Variants in BOP1 observed in about 807,000 individuals in gnomAD.
The protein encoded by BOP1 is BOP1 ribosomal biogenesis factor.
In BOP1, 54 loss-of-function variants were observed where a neutral mutation model predicts 82.9. The ratio of observed to expected loss-of-function variants is 0.65; its 90% confidence interval spans 0.52 to 0.82. BOP1 has a LOEUF of 0.82. BOP1 is among the 40% of genes least tolerant of loss of function. The pLI is 0.00. For missense variants in BOP1, 1,170 were observed against 1,072.0 expected (o/e 1.09, Z -1.28); for synonymous variants, 566 against 451.1 (o/e 1.25, Z -3.23).
chr8:144,291,238 G>T lies in BOP1; in HGVS notation c.99+34C>A. ...CCACGTGCCCGCCGGGCCCTCTAGGGACGCGCCCCGCCGCCCCGCATCGCC... is the reference window on the plus strand; with the variant it reads ...CCACGTGCCCGCCGGGCCCTCTAGGTACGCGCCCCGCCGCCCCGCATCGCC... On this transcript the variant is annotated intron_variant, in intron 1 of 15. Transcript: ENST00000569669. This position sits in a 1 kb window ranked among gnomAD's most constrained non-coding sequence, Gnocchi z 4.1. 1 of 1,436,304 alleles carries T rather than the reference G, an allele frequency of 7.0e-7. No individual in the cohort carries two copies. The highest frequency in any genetic ancestry group is 9.1e-7 in the Non-Finnish European group (1 of 1,096,906). 89.0% of individuals were successfully genotyped at this position (1,436,304 alleles called of 1,614,324 possible).
chr8:144,267,577 C>T (rs1423809372), intron 3 of BOP1, among the ~76,000 whole-genome samples: 1 of 152,256 alleles, frequency 6.6e-6, no homozygotes, highest in African/African-American at 2.4e-5. Context: ...GGAAGGACCC[C>T]GGGTTCTTAG....
chr8:144,266,560 G>A lies in BOP1; in HGVS notation c.391-1489C>T. 5 of 1,004,072 alleles carry A rather than the reference G, an allele frequency of 5.0e-6. No homozygotes were observed. The South Asian group carries it at 2.2e-4, about 45-fold the overall frequency. The allele number at this position is 1,004,072 out of a possible 1,614,324, so 62.2% of individuals were successfully genotyped here. A position where few individuals can be genotyped will look rare whatever the true frequency, so the allele number is the denominator to read the frequency against. ...GCCCGCGAGGCCCGCGGCGGCCGCA[G>A]GAGGCGGCATGAGCAGCGCGCGACA... On this transcript the variant is annotated intron_variant, in intron 3 of 15. Coordinates refer to ENST00000569669, the MANE Select transcript of BOP1 (RefSeq NM_015201.5).
chr8:144,275,657 A>C (rs1845558217), intron 3 of BOP1, among the ~76,000 whole-genome samples: 1 of 152,272 alleles, frequency 6.6e-6, no homozygotes, highest in South Asian at 2.1e-4. Flanking sequence ...GTCCAGAGGC[A>C]ACGGCCCCAG....
At position 144,266,496 on chromosome 8, in the gene BOP1, C is replaced by T. The variant is rs1270497573; in HGVS notation, c.391-1425G>A. On this transcript the variant is annotated intron_variant, in intron 3 of 15. Transcript: ENST00000569669. ...GCGCGCGACGCCCGGCAGCTGCCACCGCGGGGCGCAGCCGAGACCCCGCGC... is the reference window on the plus strand; with the variant it reads ...GCGCGCGACGCCCGGCAGCTGCCACTGCGGGGCGCAGCCGAGACCCCGCGC... 15 of 987,042 alleles carry T rather than the reference C, an allele frequency of 1.5e-5. No homozygotes were observed. In the African/African-American group the frequency reaches 2.5e-4, roughly 16 times the overall value. The allele number at this position is 987,042 out of a possible 1,614,324, so 61.1% of individuals were successfully genotyped here.
intron 2 of BOP1, among the ~76,000 whole-genome samples, chr8:144,281,105 T>TAGG: frequency 6.7e-5 from 10 of 150,026 alleles, no homozygotes; most frequent in African/African-American, 2.0e-4. Flanking sequence ...TACCAGGTCT[T>TAGG]CGGCCTTCTC....
chr8:144,277,897 T>C lies in BOP1; in HGVS notation c.310-1593A>G, dbSNP rs183533330. ...TTTTGGAGGCAGATGCTGTGGGGCA[T>C]TGAACGTATTTTTTTTAACTTAAAA... On this transcript the variant is annotated intron_variant, in intron 2 of 15. Coordinates refer to ENST00000569669, the MANE Select transcript of BOP1 (RefSeq NM_015201.5). 9.6e-3 allele frequency among the ~76,000 whole-genome samples: 894 copies of C among 92,694 alleles called. 16 individuals carry two copies. Among genetic ancestry groups the C allele is most frequent in the Middle Eastern group, 0.052 (8 of 154 alleles). 60.8% of individuals were successfully genotyped at this position (92,694 alleles called of 152,430 possible). A position where few individuals can be genotyped will look rare whatever the true frequency, so the allele number is the denominator to read the frequency against.
chr8:144,284,905 C>T (rs1484393386), intron 2 of BOP1, among the ~76,000 whole-genome samples: 1 of 152,206 alleles, frequency 6.6e-6, no homozygotes, highest in African/African-American at 2.4e-5. Context: ...CAGGCAGGTC[C>T]GGAGCCCTTG....
chr8:144,285,648 G>A (rs534679515), intron 2 of BOP1, among the ~76,000 whole-genome samples: 5 of 152,234 alleles, frequency 3.3e-5, no homozygotes, highest in Admixed American at 2.6e-4. Context: ...AGAAGCTGCT[G>A]TGTCACTGTG....
chr8:144,285,184 T>C (rs1172107381), intron 2 of BOP1, among the ~76,000 whole-genome samples: 1 of 152,154 alleles, frequency 6.6e-6, no homozygotes, highest in African/African-American at 2.4e-5. Flanking sequence ...CACAGCACCA[T>C]CGGGGCCGGG....
chr8:144,268,200 T>G, intron 3 of BOP1: 1 of 1,547,462 alleles, frequency 6.5e-7, no homozygotes. Context: ...ACGCCCGGGG[T>G]GACTGCAGAC....
At position 144,263,622 on chromosome 8, in the gene BOP1, A is replaced by G; in HGVS notation, c.1292-12T>C. 6.2e-7 allele frequency: 1 copy of G among 1,608,862 alleles called. No homozygotes were observed. The highest frequency in any genetic ancestry group is 8.5e-7 in the Non-Finnish European group (1 of 1,179,418). On this transcript the variant is annotated splice_polypyrimidine_tract_variant and intron_variant, in intron 10 of 15. Transcript: ENST00000569669. ...GCCGTCGTCAGAGCCTGGATGCGGC[A>G]GAGACAGCTCTCAACACCTGGCCAT...
At chr8:144,290,301 T>G (rs1483166115) in intron 1 of BOP1, among the ~76,000 whole-genome samples, 3 of 142,124 alleles carry the variant, frequency 2.1e-5, no homozygotes, top group African/African-American at 2.7e-5. Context: ...ACTGCACCAC[T>G]GCACTCTAGC....
At position 144,262,328 on chromosome 8, in the gene BOP1, G is replaced by C. The variant is rs919363185; in HGVS notation, c.2088-11C>G. On this transcript the variant is annotated splice_polypyrimidine_tract_variant and intron_variant, in intron 15 of 15. Coordinates refer to ENST00000569669, the MANE Select transcript of BOP1 (RefSeq NM_015201.5). ...TTCTGCAGAAGGTCACTGTGGGGACGAGGAGGGCTCAGGGCACGGCCAGAC... is the reference window on the plus strand; with the variant it reads ...TTCTGCAGAAGGTCACTGTGGGGACCAGGAGGGCTCAGGGCACGGCCAGAC... 3 of 1,612,668 alleles carry C rather than the reference G, an allele frequency of 1.9e-6. No individual in the cohort carries two copies. Among genetic ancestry groups the C allele is most frequent in the Non-Finnish European group, 2.5e-6 (3 of 1,179,804 alleles).
In BOP1 at chr8:144,262,679, C is replaced by G; in HGVS notation, c.1895-7G>C. 1 of 1,613,200 alleles carries G rather than the reference C, an allele frequency of 6.2e-7. No individual in the cohort carries two copies. Among genetic ancestry groups the G allele is most frequent in the Non-Finnish European group, 8.5e-7 (1 of 1,179,790 alleles). ...CCACAGATGACGTTGTCACCTAGGG[C>G]CAAAGGCTGTGATGCAGGTGTTCCC... On this transcript the variant is annotated splice_polypyrimidine_tract_variant and splice_region_variant and intron_variant, in intron 13 of 15. Transcript: ENST00000569669.
intron 3 of BOP1, among the ~76,000 whole-genome samples, chr8:144,270,287 A>C (rs1845471211): frequency 6.6e-6 from 1 of 152,146 alleles, no homozygotes; most frequent in Non-Finnish European, 1.5e-5. Flanking sequence ...GGCAGGGTCA[A>C]GAGGGAGTGC....
rs953373272 is a variant in BOP1 at position 144,270,387 on chromosome 8, C to T, written c.391-5316G>A. Among the ~76,000 whole-genome samples, 28 of 152,284 alleles carry T rather than the reference C, an allele frequency of 1.8e-4. 1 individual carries two copies. The highest frequency in any genetic ancestry group is 1.4e-3 in the East Asian group (7 of 5,184). On this transcript the variant is annotated intron_variant, in intron 3 of 15. Coordinates refer to ENST00000569669, the MANE Select transcript of BOP1 (RefSeq NM_015201.5). ...GAAGAAAGTGAACAGGGAACAACGA[C>T]CTGGAGGCCTCGGAGCTGAAAGGAT... is the stretch of plus-strand genomic sequence containing the variant.
intron 3 of BOP1, chr8:144,265,733 G>A (rs1845346249): frequency 6.5e-6 from 1 of 154,194 alleles, no homozygotes; most frequent in African/African-American, 2.4e-5. Context: ...CCCTGCTGCA[G>A]GAGGGACCCC....
chr8:144,291,425 C>T lies in BOP1; in HGVS notation c.-55G>A. ...CAGCCGCTTCCGACAGCGACCGGGC[C>T]GCGTGCGCAGGAGGACGCGCCCCGC... On this transcript the variant is annotated 5_prime_UTR_variant, in exon 1 of 16. Transcript: ENST00000569669. The surrounding 1 kb of genome is among the most constrained non-coding windows in gnomAD (Gnocchi z 4.1). The T allele has an allele frequency of 1.9e-6, 2 of 1,079,854 alleles. No individual in the cohort carries two copies. Among genetic ancestry groups the T allele is most frequent in the South Asian group, 4.4e-5 (1 of 22,868 alleles). 66.9% of individuals were successfully genotyped at this position (1,079,854 alleles called of 1,614,324 possible).
In BOP1 at chr8:144,291,401, A is replaced by G; in HGVS notation, c.-31T>C. On this transcript the variant is annotated 5_prime_UTR_variant, in exon 1 of 16. Coordinates refer to ENST00000569669, the MANE Select transcript of BOP1 (RefSeq NM_015201.5). The surrounding 1 kb of genome is among the most constrained non-coding windows in gnomAD (Gnocchi z 4.1). ...ACCGCGCGCCGGCCGCCACCCGCAC[A>G]GCCGCTTCCGACAGCGACCGGGCCG... 4.4e-6 allele frequency: 5 copies of G among 1,146,258 alleles called. No homozygotes were observed. Among genetic ancestry groups the G allele is most frequent in the Non-Finnish European group, 5.3e-6 (5 of 935,186 alleles). 71.0% of individuals were successfully genotyped at this position (1,146,258 alleles called of 1,614,324 possible).
Sources: allele counts gnomAD v4.1 joint callset (sites outside exome capture counted in the v4.1 genomes callset), GRCh38; gene constraint gnomAD v4.1.1; non-coding constraint Gnocchi (gnomAD v3.1); transcripts MANE v1.5; gene names NCBI Gene and HGNC (gene_info 2026-07-23, HGNC 2026-07-21).